Variants in VRK2 observed in about 807,000 individuals in gnomAD.
The protein encoded by VRK2 is VRK serine/threonine kinase 2, also known as serine/threonine-protein kinase VRK2.
A neutral mutation model predicts 57.6 loss-of-function variants in VRK2; 60 were observed. The ratio of observed to expected loss-of-function variants is 1.04; its 90% confidence interval spans 0.85 to 1.29. The LOEUF (loss-of-function observed/expected upper bound fraction) is 1.29. VRK2 is among the 50% of genes most tolerant of loss of function. VRK2 has a pLI of 0.00. For synonymous variants in VRK2, 231 were observed against 199.2 expected (o/e 1.16, Z -1.35); for missense variants, 705 against 588.1 (o/e 1.20, Z -2.06).
intron 7 of VRK2, among the ~76,000 whole-genome samples, chr2:58,101,607 T>C (rs1324505141): frequency 6.6e-6 from 1 of 151,734 alleles, no homozygotes; most frequent in Non-Finnish European, 1.5e-5. Flanking sequence ...TTTAGTGGAC[T>C]TCTCTGTGCC....
intron 1 of VRK2, among the ~76,000 whole-genome samples, chr2:57,999,072 G>A (rs2103619499): frequency 6.6e-6 from 1 of 151,888 alleles, no homozygotes; most frequent in African/African-American, 2.4e-5. Flanking sequence ...TAAGGGGGTG[G>A]GGGGATCTCA....
chr2:58,154,844 G>C (rs1006485079), intron 12 of VRK2: 1 of 688,194 alleles, frequency 1.5e-6, no homozygotes, highest in African/African-American at 1.8e-5. Flanking sequence ...AACCCTGTTT[G>C]TACTGCATCC....
At chr2:58,047,677 T>A (rs887233480) in intron 1 of VRK2, among the ~76,000 whole-genome samples, 1 of 152,228 alleles carries the variant, frequency 6.6e-6, no homozygotes, top group African/African-American at 2.4e-5. Context: ...ACAAAAACTT[T>A]TCCTGCTTTA....
At chr2:58,156,996 GAC>G (rs1264869214) in intron 12 of VRK2, among the ~76,000 whole-genome samples, 1 of 152,136 alleles carries the variant, frequency 6.6e-6, no homozygotes, top group African/African-American at 2.4e-5. Flanking sequence ...AGTTCTGGCA[GAC>G]AGTTAACTTA....
chr2:58,026,884 C>G (rs2103685927), intron 2 of VRK2: 1 of 148,328 alleles, frequency 6.7e-6, no homozygotes, highest in South Asian at 2.1e-4. Context: ...AGCTTTTTTT[C>G]TTTTCTTTTT....
intron 1 of VRK2, among the ~76,000 whole-genome samples, chr2:58,003,794 T>G (rs1673160256): frequency 1.3e-5 from 2 of 152,126 alleles, no homozygotes; most frequent in Non-Finnish European, 2.9e-5. Flanking sequence ...ATCAAGGCAG[T>G]TGGTATTTAT....
chr2:57,961,189 A>T (rs1572908507), intron 1 of VRK2, among the ~76,000 whole-genome samples: 1 of 152,252 alleles, frequency 6.6e-6, no homozygotes, highest in East Asian at 1.9e-4. Flanking sequence ...TTCTATCATT[A>T]TCATTAGCAT....
chr2:57,945,252 T>C (rs1671225449), intron 1 of VRK2, among the ~76,000 whole-genome samples: 1 of 152,184 alleles, frequency 6.6e-6, no homozygotes, highest in Non-Finnish European at 1.5e-5. Context: ...GATCCTGAAT[T>C]ATATTTATAA....
chr2:58,087,115 A>T (rs1213679175), intron 5 of VRK2, among the ~76,000 whole-genome samples: 2 of 152,168 alleles, frequency 1.3e-5, no homozygotes, highest in South Asian at 2.1e-4. Context: ...AAAGAAAAAA[A>T]GTGTGTCATT....
At position 58,139,749 on chromosome 2, in the gene VRK2, A is replaced by AGG; in HGVS notation, c.940_941insGG (p.Asn314ArgfsTer8). The AGG allele has an allele frequency of 2.5e-6, 4 of 1,613,296 alleles. No individual in the cohort carries two copies. Among genetic ancestry groups the AGG allele is most frequent in the Non-Finnish European group, 2.5e-6 (3 of 1,179,464 alleles). ...CTATCAAGCCCTCAAGAAAATTTTGAACCCTCATGGAATACCTTTAGGACC... is the reference window on the plus strand; with the variant it reads ...CTATCAAGCCCTCAAGAAAATTTTGAGGACCCTCATGGAATACCTTTAGGACC... On this transcript the variant is annotated frameshift_variant, in exon 11 of 13. Transcript: ENST00000340157. LOFTEE classifies it high-confidence loss of function.
At chr2:57,992,267 C>T (rs1446428298) in intron 1 of VRK2, among the ~76,000 whole-genome samples, 3 of 152,108 alleles carry the variant, frequency 2.0e-5, no homozygotes, top group Non-Finnish European at 4.4e-5. Context: ...GTAATTACTG[C>T]TTTGAGGAGA....
intron 1 of VRK2, among the ~76,000 whole-genome samples, chr2:57,941,497 A>G (rs578117858): frequency 5.9e-5 from 9 of 152,338 alleles, no homozygotes; most frequent in African/African-American, 2.2e-4. Context: ...TGATGTTTGT[A>G]TATATTATAA....
chr2:58,046,480 G>A, upstream of VRK2: 1 of 985,018 alleles, frequency 1.0e-6, no homozygotes, highest in South Asian at 4.7e-5. Context: ...TGGTACAGGA[G>A]ATCTAACACT....
At chr2:57,948,928 G>A (rs1012989429) in intron 1 of VRK2, among the ~76,000 whole-genome samples, 2 of 152,126 alleles carry the variant, frequency 1.3e-5, no homozygotes, top group African/African-American at 4.8e-5. Context: ...GTAAACTGCA[G>A]TAGAAAGGAA....
chr2:57,983,661 A>G (rs1463442815), intron 1 of VRK2, among the ~76,000 whole-genome samples: 1 of 152,216 alleles, frequency 6.6e-6, no homozygotes, highest in Non-Finnish European at 1.5e-5. Flanking sequence ...ACTGTCAATA[A>G]GAGGGAATTA....
intron 1 of VRK2, among the ~76,000 whole-genome samples, chr2:57,984,107 A>G (rs141113752): frequency 6.6e-6 from 1 of 152,312 alleles, no homozygotes; most frequent in African/African-American, 2.4e-5. Flanking sequence ...TGTCTTCATC[A>G]CAACTACTCA....
At chr2:57,965,434 G>A (rs762741348) in intron 1 of VRK2, among the ~76,000 whole-genome samples, 4 of 152,186 alleles carry the variant, frequency 2.6e-5, no homozygotes, top group Non-Finnish European at 5.9e-5. Flanking sequence ...AGTCAATAAT[G>A]TATAGGAACC....
chr2:58,048,060 A>G (rs1675131951), intron 1 of VRK2, among the ~76,000 whole-genome samples: 1 of 152,144 alleles, frequency 6.6e-6, no homozygotes, highest in South Asian at 2.1e-4. Context: ...TTCTCTTTTA[A>G]CTCAGAATTT....
At chr2:57,950,355 T>C (rs1386058398) in intron 1 of VRK2, among the ~76,000 whole-genome samples, 2 of 152,218 alleles carry the variant, frequency 1.3e-5, no homozygotes, top group Non-Finnish European at 2.9e-5. Flanking sequence ...TCAGAGCCAA[T>C]GCTCACTTAC....
Sources: allele counts gnomAD v4.1 joint callset (sites outside exome capture counted in the v4.1 genomes callset), GRCh38; gene constraint gnomAD v4.1.1; transcripts MANE v1.5; gene names NCBI Gene and HGNC (gene_info 2026-07-23, HGNC 2026-07-21).